The following C3orf20 variants were observed in gnomAD, a reference collection of about 807,000 sequenced individuals.
C3orf20 encodes family with sequence similarity 149 member C, also known as uncharacterized protein C3orf20.
A neutral mutation model predicts 88.3 loss-of-function variants in C3orf20; 76 were observed. That is an observed-to-expected ratio of 0.86 (90% CI 0.72 to 1.04). The LOEUF is 1.04. Among genes scored for constraint, C3orf20 ranks in the 50% least tolerant of loss-of-function variants. C3orf20 has a pLI of 0.00. For synonymous variants in C3orf20, 436 were observed against 437.4 expected (o/e 1.00, Z 0.04); for missense variants, 1,056 against 1,123.3 (o/e 0.94, Z 0.86).
intron 14 of C3orf20, 133 bp downstream of exon 14, chr3:14,760,131 C>G (rs1013796388): frequency 1.4e-6 from 1 of 719,746 alleles, no homozygotes; most frequent in Admixed American, 2.1e-5. Flanking sequence ...ATCTCCCCAC[C>G]GTGGCTGAGG....
At chr3:14,696,800 A>G (rs988086212) in intron 5 of C3orf20, among the ~76,000 whole-genome samples, 1 of 151,906 alleles carries the variant, frequency 6.6e-6, no homozygotes, top group African/African-American at 2.4e-5. Context: ...AGTGAGTTTT[A>G]TACTAACACC....
chr3:14,728,533 G>A lies in C3orf20; in HGVS notation c.1785G>A (p.Lys595=). ...RSRTHPERLP[K]LSLYSGESLL... Reference sequence around the variant, plus strand: ...GAACTCATCCCGAGCGGCTCCCCAAGCTAAGTTTATACTCAGGAGAAAGTC... The same window carrying A: ...GAACTCATCCCGAGCGGCTCCCCAAACTAAGTTTATACTCAGGAGAAAGTC... Residue 595 remains lysine (K), a synonymous_variant, in exon 12 of 17, where the codon AAG becomes AAA. Transcript: ENST00000253697. The A allele has an allele frequency of 6.2e-7, 1 of 1,614,202 alleles. No individual in the cohort carries two copies. The highest frequency in any genetic ancestry group is 8.5e-7 in the Non-Finnish European group (1 of 1,180,042).
intron 4 of C3orf20, 79 bp downstream of exon 4, chr3:14,684,461 A>G: frequency 6.5e-7 from 1 of 1,540,474 alleles, no homozygotes; most frequent in South Asian, 1.2e-5. Flanking sequence ...CAAAACCCCC[A>G]GTTTGAAGGT....
chr3:14,750,516 C>T (rs1301967576), intron 12 of C3orf20, among the ~76,000 whole-genome samples: 1 of 149,910 alleles, frequency 6.7e-6, no homozygotes, highest in Non-Finnish European at 1.5e-5. Context: ...GATCATGCTA[C>T]TGCATTCCAG....
At position 14,684,113 on chromosome 3, in the gene C3orf20, C is replaced by T. The variant is rs771093620; in HGVS notation, c.485-129C>T. The T allele has an allele frequency of 4.3e-5, 54 of 1,260,380 alleles. 3 individuals carry two copies. The Middle Eastern group carries it at 1.1e-3, about 25-fold the overall frequency. The allele number at this position is 1,260,380 out of a possible 1,614,324, so 78.1% of individuals were successfully genotyped here. A position where few individuals can be genotyped will look rare whatever the true frequency, so the allele number is the denominator to read the frequency against. On this transcript the variant is annotated intron_variant, in intron 3 of 16. Transcript: ENST00000253697. ...TGAGAGCCTTTCACAGTAGCCCCCT[C>T]ACCCCTGCATACCCTAGGAATAGCG...
chr3:14,715,822 A>C (rs2033919637), intron 9 of C3orf20, among the ~76,000 whole-genome samples: 1 of 152,146 alleles, frequency 6.6e-6, no homozygotes. Flanking sequence ...TGTTTTTATA[A>C]CTTTATTATC....
chr3:14,684,126 C>G (rs551961512), intron 3 of C3orf20, 116 bp from the exon 4 acceptor site: 55 of 1,406,234 alleles, frequency 3.9e-5, no homozygotes, highest in Non-Finnish European at 5.1e-5. Context: ...CCCTGCATAC[C>G]CTAGGAATAG....
chr3:14,713,966 A>C, intron 7 of C3orf20, 41 bp from the exon 8 acceptor site: 1 of 1,611,294 alleles, frequency 6.2e-7, no homozygotes, highest in South Asian at 1.1e-5. Flanking sequence ...GAGCAGAACC[A>C]GGGGAGTTTT....
In C3orf20 at chr3:14,683,839, G is replaced by GCACT. The variant is rs1227563674; in HGVS notation, c.485-401_485-398dup. On this transcript the variant is annotated intron_variant, in intron 3 of 16. Transcript: ENST00000253697. ...TGCAGTGAGCCAAGATCATGCCACTGCACTCCAGCCTGGGTGATAGAGCGA... is the reference window on the plus strand; with the variant it reads ...TGCAGTGAGCCAAGATCATGCCACTGCACTCACTCCAGCCTGGGTGATAGAGCGA... Among the ~76,000 whole-genome samples, 5 of 140,720 alleles carry GCACT rather than the reference G, an allele frequency of 3.6e-5. No individual in the cohort carries two copies. In the East Asian group the frequency reaches 1.0e-3, roughly 29 times the overall value. 92.3% of individuals were successfully genotyped at this position (140,720 alleles called of 152,430 possible).
At chr3:14,685,462 C>CTT (rs2032349812) in intron 4 of C3orf20, among the ~76,000 whole-genome samples, 1 of 102,410 alleles carries the variant, frequency 9.8e-6, no homozygotes, top group Non-Finnish European at 2.0e-5. Context: ...CTCTCTGTTT[C>CTT]TCTCTCTCTC....
In C3orf20 at chr3:14,690,128, TC is replaced by T; in HGVS notation, c.745+14del. 1 of 1,613,960 alleles carries T rather than the reference TC, an allele frequency of 6.2e-7. No individual in the cohort carries two copies. The highest frequency in any genetic ancestry group is 1.3e-5 in the African/African-American group (1 of 75,032). On this transcript the variant is annotated intron_variant, in intron 5 of 16. Transcript: ENST00000253697. ...CAAGAAGAAAATAGGTAAAAATGGT[TC>T]CTCGTGGCCTACCATTCATTGGTGG...
intron 15 of C3orf20, among the ~76,000 whole-genome samples, chr3:14,769,838 A>G (rs1340310317): frequency 6.6e-6 from 1 of 152,130 alleles, no homozygotes; most frequent in East Asian, 1.9e-4. Context: ...ACATTTCCCA[A>G]CTGCTGGGAC....
intron 5 of C3orf20, among the ~76,000 whole-genome samples, chr3:14,700,555 T>A (rs181453988): frequency 1.3e-5 from 2 of 152,250 alleles, no homozygotes; most frequent in Non-Finnish European, 2.9e-5. Flanking sequence ...TACATGTCTA[T>A]TGGCCTCTTG....
chr3:14,724,932 G>A (rs11710203), intron 10 of C3orf20, among the ~76,000 whole-genome samples: 23,928 of 152,104 alleles, frequency 0.16, 2,158 homozygotes, highest in Non-Finnish European at 0.2. Flanking sequence ...GAGCATAACT[G>A]TCTTAAGGAA....
intron 5 of C3orf20, among the ~76,000 whole-genome samples, chr3:14,696,828 G>GTACT (rs1157507749): frequency 6.6e-6 from 1 of 151,962 alleles, no homozygotes; most frequent in Admixed American, 6.6e-5. Flanking sequence ...TCTGATTGAA[G>GTACT]TACTGCCTTT....
chr3:14,742,943 G>A (rs1048503568), intron 12 of C3orf20, among the ~76,000 whole-genome samples: 3 of 152,022 alleles, frequency 2.0e-5, no homozygotes, highest in Admixed American at 6.5e-5. Context: ...CCCACAACAC[G>A]TGGGAATTCT....
At chr3:14,732,663 T>C (rs1210115837) in intron 12 of C3orf20, among the ~76,000 whole-genome samples, 1 of 152,208 alleles carries the variant, frequency 6.6e-6, no homozygotes, top group East Asian at 1.9e-4. Flanking sequence ...ATCTCGTGAG[T>C]TGAGGACAGA....
chr3:14,704,596 T>C lies in C3orf20; in HGVS notation c.1138T>C (p.Tyr380His). Residue 380 changes from tyrosine to histidine, a missense_variant, in exon 7 of 17, where the codon TAT becomes CAT. Physicochemically the swap from Tyr to His is moderately conservative, Grantham distance 83 (BLOSUM62 2). Coordinates refer to ENST00000253697, the MANE Select transcript of C3orf20 (RefSeq NM_032137.5). ...KKAFKFHYTFYDGSSFVYYPS... is the reference protein window; with the variant it reads ...KKAFKFHYTFHDGSSFVYYPS... ...GGCCTTCAAGTTTCATTACACCTTC[T>C]ATGATGGCTCCTCCTTCGTTTAGTA... The C allele has an allele frequency of 6.2e-7, 1 of 1,613,946 alleles. No individual in the cohort carries two copies. The highest frequency in any genetic ancestry group is 1.3e-5 in the African/African-American group (1 of 75,038).
chr3:14,684,040 C>T lies in C3orf20; in HGVS notation c.485-202C>T, dbSNP rs1264216292. Among the ~76,000 whole-genome samples the T allele has an allele frequency of 3.9e-5, 6 of 152,072 alleles. No homozygotes were observed. In the East Asian group the frequency reaches 1.2e-3, roughly 29 times the overall value. The stretch of plus-strand genomic sequence containing the variant: ...CCAGGCCTATGGGTAGGAAGAGAGA[C>T]AGGCAAAGGGAGGAGAGCAAAGCGA... On this transcript the variant is annotated intron_variant, in intron 3 of 16. Transcript: ENST00000253697.
Sources: allele counts gnomAD v4.1 joint callset (sites outside exome capture counted in the v4.1 genomes callset), GRCh38; gene constraint gnomAD v4.1.1; transcripts MANE v1.5; gene names NCBI Gene and HGNC (gene_info 2026-07-23, HGNC 2026-07-21).